CSMD1: variants seen among roughly 807,000 people sequenced by gnomAD.
CSMD1 encodes CUB and Sushi multiple domains 1.
In CSMD1, 213 loss-of-function variants were observed where a neutral mutation model predicts 417.5. That is an observed-to-expected ratio of 0.51 (90% CI 0.46 to 0.57). The LOEUF is 0.57. Ranked by LOEUF, CSMD1 falls within the 20% of genes least tolerant of loss-of-function variation. CSMD1 has a pLI of 0.00. For missense variants in CSMD1, 6,923 were observed against 4,529.7 expected, an observed-to-expected ratio of 1.53 and a Z score of -15.17; for synonymous variants, 2,862 against 1,736.8, an observed-to-expected ratio of 1.65 and a Z score of -16.11.
At chr8:4,422,160 G>C (rs1414750168) in intron 2 of CSMD1, among the ~76,000 whole-genome samples, 1 of 152,080 alleles carries the variant, frequency 6.6e-6, no homozygotes, top group Non-Finnish European at 1.5e-5. Flanking sequence ...AGTTCCAAAT[G>C]TTCCCACTGG....
chr8:4,783,476 G>C (rs1002301107), intron 1 of CSMD1, among the ~76,000 whole-genome samples: 2 of 152,214 alleles, frequency 1.3e-5, no homozygotes, highest in Non-Finnish European at 2.9e-5. Flanking sequence ...ATGTATCCAA[G>C]ATTAAACCGG....
chr8:4,865,264 T>C (rs1802362240), intron 1 of CSMD1, among the ~76,000 whole-genome samples: 1 of 151,864 alleles, frequency 6.6e-6, no homozygotes, highest in Non-Finnish European at 1.5e-5. Flanking sequence ...TCTATGTTAT[T>C]CATCCTAAGA....
At chr8:3,240,226 A>G (rs1339054464) in intron 26 of CSMD1, among the ~76,000 whole-genome samples, 1 of 152,094 alleles carries the variant, frequency 6.6e-6, no homozygotes, top group Non-Finnish European at 1.5e-5. Context: ...GTAATGAAAA[A>G]GGTTGGGATG....
chr8:3,475,329 C>T (rs929757697), intron 11 of CSMD1, among the ~76,000 whole-genome samples: 1 of 152,008 alleles, frequency 6.6e-6, no homozygotes, highest in Admixed American at 6.6e-5. Context: ...TCCCTAGTCT[C>T]TAGTAAATAA....
intron 2 of CSMD1, among the ~76,000 whole-genome samples, chr8:4,423,408 T>C (rs1797362348): frequency 6.6e-6 from 1 of 151,810 alleles, no homozygotes; most frequent in African/African-American, 2.4e-5. Context: ...TAGTTCTACA[T>C]ACTAGCAATG....
At chr8:3,450,439 C>T (rs1345644704) in intron 12 of CSMD1, among the ~76,000 whole-genome samples, 2 of 151,862 alleles carry the variant, frequency 1.3e-5, no homozygotes, top group Admixed American at 6.6e-5. Flanking sequence ...TTAGGTATAT[C>T]TCCTAAAGCT....
intron 2 of CSMD1, among the ~76,000 whole-genome samples, chr8:4,485,216 C>G (rs978827557): frequency 1.3e-5 from 2 of 152,032 alleles, no homozygotes; most frequent in African/African-American, 4.8e-5. Context: ...CTCTAGGATC[C>G]TACTTTTCAT....
At chr8:3,558,411 G>GTGTCCACTCCTCCAATGATGAATA (rs1799283074) in intron 10 of CSMD1, among the ~76,000 whole-genome samples, 1 of 139,264 alleles carries the variant, frequency 7.2e-6, no homozygotes, top group Admixed American at 7.2e-5. Flanking sequence ...AATGATGAAC[G>GTGTCCACTCCTCCAATGATGAATA]GTGCCTCAAT....
intron 3 of CSMD1, among the ~76,000 whole-genome samples, chr8:4,217,439 A>C (rs1240708404): frequency 6.6e-6 from 1 of 152,160 alleles, no homozygotes; most frequent in Non-Finnish European, 1.5e-5. Context: ...GATATAAGAC[A>C]CGTTATACCA....
chr8:4,650,545 C>G (rs10102117), intron 1 of CSMD1, among the ~76,000 whole-genome samples: 1 of 151,774 alleles, frequency 6.6e-6, no homozygotes, highest in Non-Finnish European at 1.5e-5. Context: ...CGACGTGATG[C>G]TTCTGCAGAA....
At chr8:3,194,890 G>A (rs1347414302) in intron 33 of CSMD1, among the ~76,000 whole-genome samples, 2 of 152,088 alleles carry the variant, frequency 1.3e-5, no homozygotes, top group East Asian at 3.9e-4. Context: ...GAGGAGCCTG[G>A]GAGAGGAGAA....
intron 1 of CSMD1, among the ~76,000 whole-genome samples, chr8:4,650,100 C>G (rs1354821570): frequency 6.6e-6 from 1 of 152,128 alleles, no homozygotes; most frequent in Non-Finnish European, 1.5e-5. Flanking sequence ...ATGACCAGCA[C>G]TTTGGGAGGC....
At chr8:3,406,862 G>C (rs1191325489) in intron 14 of CSMD1, among the ~76,000 whole-genome samples, 3 of 152,184 alleles carry the variant, frequency 2.0e-5, no homozygotes, top group Admixed American at 6.5e-5. Flanking sequence ...AAAGCAAAGA[G>C]AATGAGCTGT....
At chr8:3,743,621 C>G (rs1329133409) in intron 6 of CSMD1, among the ~76,000 whole-genome samples, 1 of 152,130 alleles carries the variant, frequency 6.6e-6, no homozygotes, top group African/African-American at 2.4e-5. Flanking sequence ...TCTCGAAAAC[C>G]TTCCTTCCCC....
Position 3,345,348 on chromosome 8 carries a change from G to A in CSMD1, c.3475-1898C>T, listed in dbSNP as rs896286013. 8.5e-5 allele frequency among the ~76,000 whole-genome samples: 13 copies of A among 152,056 alleles called. No homozygotes were observed. In the South Asian group the frequency reaches 1.0e-3, roughly 12 times the overall value. On this transcript the variant is annotated intron_variant, in intron 22 of 69. Coordinates refer to ENST00000635120, the MANE Select transcript of CSMD1 (RefSeq NM_033225.6). Reference sequence around the variant, plus strand: ...AGATTCTTCAGAACAACAATTCTGCGTTCTTTATCCATGTCATCAGCAATC... The same window carrying A: ...AGATTCTTCAGAACAACAATTCTGCATTCTTTATCCATGTCATCAGCAATC...
chr8:3,057,439 T>C lies in CSMD1; in HGVS notation c.7475-4792A>G, dbSNP rs143413785. Among the ~76,000 whole-genome samples the C allele has an allele frequency of 5.9e-3, 898 of 152,250 alleles. 11 individuals carry two copies. Among genetic ancestry groups the C allele is most frequent in the African/African-American group, 0.019 (769 of 41,548 alleles). ...TTAAGGGAATCATCAACTATATGTG[T>C]ATTTGCAGGTATGTGTGTGTGTTTG... On this transcript the variant is annotated intron_variant, in intron 49 of 69. Transcript: ENST00000635120.
At chr8:4,118,144 G>C (rs573213392) in intron 3 of CSMD1, among the ~76,000 whole-genome samples, 2 of 152,246 alleles carry the variant, frequency 1.3e-5, no homozygotes, top group East Asian at 1.9e-4. Flanking sequence ...GCCCTTGGCA[G>C]ACTCTCAGTG....
chr8:3,367,568 G>C (rs1809679532), intron 19 of CSMD1, among the ~76,000 whole-genome samples: 1 of 152,092 alleles, frequency 6.6e-6, no homozygotes, highest in African/African-American at 2.4e-5. Flanking sequence ...ATGTTATCTT[G>C]ATATGAAAAT....
At chr8:4,417,228 T>G (rs554564005) in intron 3 of CSMD1, among the ~76,000 whole-genome samples, 2 of 152,208 alleles carry the variant, frequency 1.3e-5, no homozygotes, top group South Asian at 4.1e-4. Context: ...TTTCCAGAGT[T>G]AAATTCAATG....
Sources: gnomAD v4.1 joint callset for allele counts (sites outside exome capture counted in the v4.1 genomes callset) on GRCh38, gnomAD v4.1.1 for gene constraint, MANE v1.5 for transcripts, NCBI Gene and HGNC (gene_info 2026-07-23, HGNC 2026-07-21) for gene names.